DOCK1: variants seen among roughly 807,000 people sequenced by gnomAD.
DOCK1 encodes dedicator of cytokinesis protein 1.
A neutral mutation model predicts 262.7 loss-of-function variants in DOCK1; 138 were observed. The ratio of observed to expected loss-of-function variants is 0.53; its 90% CI spans 0.46 to 0.61. The LOEUF is 0.61. Ranked by LOEUF, DOCK1 falls within the 20% of genes least tolerant of loss-of-function variation. The pLI is 0.00. For synonymous variants in DOCK1, 866 were observed against 867.4 expected (o/e 1.00, Z 0.03); for missense variants, 1,908 against 2,370.7 (o/e 0.80, Z 4.05).
intron 23 of DOCK1, among the ~76,000 whole-genome samples, chr10:127,090,828 T>C (rs1179078959): frequency 6.6e-6 from 1 of 152,232 alleles, no homozygotes; most frequent in Non-Finnish European, 1.5e-5. Flanking sequence ...ACCCCATTAC[T>C]GTTCATGGCT....
intron 11 of DOCK1, among the ~76,000 whole-genome samples, chr10:127,011,545 A>G (rs1313493211): frequency 1.3e-5 from 2 of 152,174 alleles, no homozygotes; most frequent in African/African-American, 4.8e-5. Context: ...CTATTTGGGC[A>G]TATGCCCCCC....
At chr10:127,130,148 A>G (rs980275636) in intron 27 of DOCK1, among the ~76,000 whole-genome samples, 7 of 146,434 alleles carry the variant, frequency 4.8e-5, no homozygotes, top group Admixed American at 1.4e-4. Context: ...CAGTGGTGCA[A>G]TCTTGACTCA....
At chr10:127,130,707 C>CAGGA (rs1405598133) in intron 27 of DOCK1, among the ~76,000 whole-genome samples, 2 of 152,184 alleles carry the variant, frequency 1.3e-5, no homozygotes, top group African/African-American at 2.4e-5. Flanking sequence ...CTATAATGAA[C>CAGGA]AGGAAGATTC....
rs913504808 is a variant in DOCK1 at position 126,956,235 on chromosome 10, C to G, written c.47-14467C>G. ...GCAGTCAGCATCTGAGGTGTGCAAACACATCTGAGCAGACTTCTCCCTCCA... is the reference window on the plus strand; with the variant it reads ...GCAGTCAGCATCTGAGGTGTGCAAAGACATCTGAGCAGACTTCTCCCTCCA... On this transcript the variant is annotated intron_variant, in intron 1 of 51. Transcript: ENST00000623213. Among the ~76,000 whole-genome samples the G allele has an allele frequency of 4.9e-4, 74 of 152,342 alleles. 1 individual carries two copies. The South Asian group carries it at 0.014, about 29-fold the overall frequency.
At chr10:127,234,303 G>A (rs1349943724) in intron 27 of DOCK1, among the ~76,000 whole-genome samples, 1 of 152,132 alleles carries the variant, frequency 6.6e-6, no homozygotes, top group Non-Finnish European at 1.5e-5. Context: ...GGGAAAAATA[G>A]TTTGGAAGTA....
intron 48 of DOCK1, among the ~76,000 whole-genome samples, chr10:127,433,824 T>C (rs2069469301): frequency 6.6e-6 from 1 of 151,984 alleles, no homozygotes; most frequent in South Asian, 2.1e-4. Context: ...GAGATTGTTT[T>C]TGTGATTTCT....
At chr10:126,969,155 T>C (rs1380500248) in intron 1 of DOCK1, among the ~76,000 whole-genome samples, 2 of 152,228 alleles carry the variant, frequency 1.3e-5, no homozygotes, top group African/African-American at 4.8e-5. Flanking sequence ...GGCATCATTT[T>C]CTCTAAGACA....
chr10:127,162,054 C>T (rs1239201285), intron 27 of DOCK1, among the ~76,000 whole-genome samples: 1 of 152,118 alleles, frequency 6.6e-6, no homozygotes, highest in African/African-American at 2.4e-5. Context: ...ATAACCACCA[C>T]TCATGGGTTT....
chr10:127,120,421 A>G (rs2049482023), intron 25 of DOCK1, among the ~76,000 whole-genome samples: 1 of 152,230 alleles, frequency 6.6e-6, no homozygotes, highest in African/African-American at 2.4e-5. Context: ...TTAAAAAATG[A>G]GGCAATTGAT....
chr10:126,915,815 G>A (rs548801252), intron 1 of DOCK1, among the ~76,000 whole-genome samples: 1 of 152,226 alleles, frequency 6.6e-6, no homozygotes, highest in South Asian at 2.1e-4. Flanking sequence ...AAAAACACAT[G>A]CACACCCCAG....
chr10:127,389,006 G>C (rs1276494422), intron 38 of DOCK1, among the ~76,000 whole-genome samples: 1 of 152,252 alleles, frequency 6.6e-6, no homozygotes, highest in Non-Finnish European at 1.5e-5. Flanking sequence ...CACAACTAGA[G>C]ATGTGAGAAT....
At position 127,376,471 on chromosome 10, in the gene DOCK1, A is replaced by C. The variant is rs577603794; in HGVS notation, c.3675+2257A>C. The stretch of plus-strand genomic sequence containing the variant: ...CACCTGGAGACTGACCAAGTGGTAC[A>C]GCAGCAAGCTCTGCCCCAGGTCAGT... On this transcript the variant is annotated intron_variant, in intron 35 of 51. Coordinates refer to ENST00000623213, the MANE Select transcript of DOCK1 (RefSeq NM_001290223.2). 2.0e-5 allele frequency among the ~76,000 whole-genome samples: 3 copies of C among 152,344 alleles called. No individual in the cohort carries two copies. In the East Asian group the frequency reaches 5.8e-4, roughly 29 times the overall value.
At chr10:126,987,940 G>T (rs1160642626) in intron 5 of DOCK1, among the ~76,000 whole-genome samples, 1 of 151,750 alleles carries the variant, frequency 6.6e-6, no homozygotes, top group African/African-American at 2.4e-5. Context: ...GGCAGTGGGT[G>T]TTGATGTCAC....
chr10:127,123,700 T>G (rs959535843), intron 25 of DOCK1, among the ~76,000 whole-genome samples: 1 of 152,182 alleles, frequency 6.6e-6, no homozygotes, highest in African/African-American at 2.4e-5. Context: ...CATTTTCTTG[T>G]TCATTTCTCT....
At chr10:126,969,034 T>C (rs577996850) in intron 1 of DOCK1, among the ~76,000 whole-genome samples, 1 of 152,310 alleles carries the variant, frequency 6.6e-6, no homozygotes, top group East Asian at 1.9e-4. Flanking sequence ...CTAAAAAGAA[T>C]TCAGGTAGCG....
At position 127,327,689 on chromosome 10, in the gene DOCK1, G is replaced by A. The variant is rs186315409; in HGVS notation, c.3045-11317G>A. Among the ~76,000 whole-genome samples, 25 of 152,312 alleles carry A rather than the reference G, an allele frequency of 1.6e-4. No individual in the cohort carries two copies. In the East Asian group the frequency reaches 4.2e-3, roughly 26 times the overall value. ...AAAATGACAGAAGCCGCCATCTCTT[G>A]TATCTTTACCATGCTTTCAACAGTA... On this transcript the variant is annotated intron_variant, in intron 29 of 51. Transcript: ENST00000623213.
At chr10:126,958,543 C>T (rs1207593727) in intron 1 of DOCK1, among the ~76,000 whole-genome samples, 2 of 152,156 alleles carry the variant, frequency 1.3e-5, no homozygotes, top group Non-Finnish European at 2.9e-5. Context: ...TCTTGATTTA[C>T]AGGACCGGAG....
intron 22 of DOCK1, among the ~76,000 whole-genome samples, chr10:127,056,804 C>T (rs917584892): frequency 3.3e-5 from 5 of 152,120 alleles, no homozygotes; most frequent in Non-Finnish European, 2.9e-5. Flanking sequence ...TGTGGAGCAC[C>T]TAGCCGCATT....
At chr10:127,386,068 C>A (rs1451123379) in intron 38 of DOCK1, among the ~76,000 whole-genome samples, 1 of 152,210 alleles carries the variant, frequency 6.6e-6, no homozygotes, top group African/African-American at 2.4e-5. Flanking sequence ...ATGATGGCTG[C>A]CCCTTTTTGT....
Sources: gnomAD v4.1 joint callset for allele counts (sites outside exome capture counted in the v4.1 genomes callset) on GRCh38, gnomAD v4.1.1 for gene constraint, MANE v1.5 for transcripts, NCBI Gene and HGNC (gene_info 2026-07-23, HGNC 2026-07-21) for gene names.